PUDP: variants seen among roughly 807,000 people sequenced by gnomAD.
PUDP encodes the protein pseudouridine-5'-phosphatase.
Under a neutral mutation model 9.4 loss-of-function variants are expected in PUDP, and 8 were observed. The observed-to-expected ratio is 0.85, with a 90% CI of 0.50 to 1.53. PUDP has a LOEUF of 1.53. Ranked by LOEUF, PUDP falls within the 40% of genes most tolerant of loss-of-function variation. PUDP has a pLI of 0.00. For missense variants in PUDP, 188 were observed against 189.7 expected (o/e 0.99, Z 0.05); for synonymous variants, 99 against 80.7 (o/e 1.23, Z -1.22).
At chrX:6,721,976 G>A (rs1189729838), upstream of PUDP, among the ~76,000 whole-genome samples, 1 of 111,230 alleles carries the variant, frequency 9.0e-6, no homozygotes, top group African/African-American at 3.3e-5. Flanking sequence ...TAAGGAGACA[G>A]GAAATAGAGG....
At chrX:6,854,547 C>G (rs766465349) in intron 3 of PUDP, among the ~76,000 whole-genome samples, 1 of 111,977 alleles carries the variant, frequency 8.9e-6, no homozygotes. Flanking sequence ...TTTTGGCTCC[C>G]CAAAAACTTA....
chrX:6,856,576 T>C (rs1321326942), intron 3 of PUDP, among the ~76,000 whole-genome samples: 3 of 111,879 alleles, frequency 2.7e-5, no homozygotes, highest in Non-Finnish European at 5.6e-5. Flanking sequence ...TGCATGCTTT[T>C]GCTGAGTTTT....
chrX:6,820,544 T>C (rs1926324511), intron 3 of PUDP, among the ~76,000 whole-genome samples: 1 of 111,633 alleles, frequency 9.0e-6, no homozygotes, highest in Non-Finnish European at 1.9e-5. Context: ...GGTACAGGTA[T>C]TGGGTAAATA....
chrX:7,023,725 C>T (rs1444325654), intron 1 of PUDP, among the ~76,000 whole-genome samples: 3 of 111,332 alleles, frequency 2.7e-5, no homozygotes, highest in Non-Finnish European at 3.8e-5. Flanking sequence ...ATGCCAATAC[C>T]ACACTCTCTT....
chrX:7,078,939 T>G (rs147881641), intron 2 of PUDP, among the ~76,000 whole-genome samples: 1 of 111,318 alleles, frequency 9.0e-6, no homozygotes, highest in Non-Finnish European at 1.9e-5. Flanking sequence ...TCAGGAGAAA[T>G]AGACACAGAA....
chrX:7,035,137 C>T (rs1929837658), intron 1 of PUDP, among the ~76,000 whole-genome samples: 2 of 111,716 alleles, frequency 1.8e-5, no homozygotes, highest in Non-Finnish European at 3.8e-5. Context: ...GAAAACCACC[C>T]ACCTTCTGTA....
At chrX:6,938,773 CT>C (rs1775732363) in intron 3 of PUDP, among the ~76,000 whole-genome samples, 1 of 96,048 alleles carries the variant, frequency 1.0e-5, no homozygotes, top group Non-Finnish European at 2.1e-5. Context: ...TTTTCTTTTT[CT>C]TTTCTTTCTT....
In PUDP at chrX:6,930,955, C is replaced by CA. The variant is rs775801816; in HGVS notation, c.*247+46177dup. On this transcript the variant is annotated intron_variant and NMD_transcript_variant, in intron 3 of 3. Transcript: ENST00000655425. ...TCAAAAAAAGTGTTGCATCCTTATA[C>CA]AAAAAAAAAAAAAAAGTTTGTTGTT... Among the ~76,000 whole-genome samples the CA allele has an allele frequency of 3.4e-3, 295 of 85,780 alleles. 1 individual carries two copies. The highest frequency in any genetic ancestry group is 9.4e-3 in the Admixed American group (73 of 7,768). 74.5% of individuals were successfully genotyped at this position (85,780 alleles called of 115,157 possible).
chrX:6,962,894 T>C (rs1287074683), intron 3 of PUDP, among the ~76,000 whole-genome samples: 1 of 112,867 alleles, frequency 8.9e-6, no homozygotes, highest in East Asian at 2.8e-4. Context: ...ATGCATTATT[T>C]AATTTATTTT....
In PUDP at chrX:6,765,662, T is replaced by A. The variant is rs150244553; in HGVS notation, c.*248-59196A>T. ...ACATTAGTGAGAAATGACTGAGATG[T>A]GATAGCAAAATATTTTATACAGAAA... On this transcript the variant is annotated intron_variant and NMD_transcript_variant, in intron 3 of 3. Coordinates refer to the PUDP transcript ENST00000655425. Among the ~76,000 whole-genome samples the A allele has an allele frequency of 6.2e-3, 692 of 111,642 alleles. 5 individuals are homozygous for A. Among genetic ancestry groups the A allele is most frequent in the Middle Eastern group, 0.032 (7 of 218 alleles).
intron 3 of PUDP, among the ~76,000 whole-genome samples, chrX:6,974,121 G>A (rs1368063514): frequency 2.7e-5 from 3 of 111,737 alleles, no homozygotes; most frequent in African/African-American, 9.8e-5. Context: ...TGGGTATGTT[G>A]AATACAGCAC....
At chrX:7,032,890 G>C (rs1929809791) in intron 1 of PUDP, among the ~76,000 whole-genome samples, 1 of 111,908 alleles carries the variant, frequency 8.9e-6, no homozygotes, top group African/African-American at 3.2e-5. Flanking sequence ...GGTTAATATT[G>C]AGTGTCAACT....
chrX:6,733,405 G>A (rs887393264), intron 3 of PUDP, among the ~76,000 whole-genome samples: 111 of 111,737 alleles, frequency 9.9e-4, no homozygotes, highest in African/African-American at 3.3e-3. Context: ...CAGGGGTGAA[G>A]TAGAGGTGGA....
At chrX:6,870,451 G>A (rs1337151446) in intron 3 of PUDP, among the ~76,000 whole-genome samples, 1 of 111,728 alleles carries the variant, frequency 9.0e-6, no homozygotes, top group Non-Finnish European at 1.9e-5. Flanking sequence ...GAGTTCCCCA[G>A]TACAAGCTCT....
At chrX:7,019,037 G>A (rs1929592706) in intron 1 of PUDP, among the ~76,000 whole-genome samples, 1 of 112,014 alleles carries the variant, frequency 8.9e-6, no homozygotes, top group African/African-American at 3.2e-5. Flanking sequence ...TTGTAGCAGA[G>A]CACATCTCCC....
intron 1 of PUDP, among the ~76,000 whole-genome samples, chrX:6,715,189 A>G (rs907606340): frequency 9.0e-6 from 1 of 111,173 alleles, no homozygotes; most frequent in African/African-American, 3.3e-5. Flanking sequence ...TCCTTGACCC[A>G]TATTATTTTT....
At chrX:6,893,673 CTTAG>C (rs1480222108) in intron 3 of PUDP, among the ~76,000 whole-genome samples, 2 of 111,799 alleles carry the variant, frequency 1.8e-5, no homozygotes, top group African/African-American at 6.5e-5. Flanking sequence ...CCATTATTAA[CTTAG>C]TTAGAAAGGC....
intron 1 of PUDP, among the ~76,000 whole-genome samples, chrX:7,027,267 G>A (rs1011661234): frequency 9.0e-6 from 1 of 110,804 alleles, no homozygotes; most frequent in African/African-American, 3.3e-5. Context: ...ATAAAACCGT[G>A]GCCACGAGCC....
chrX:7,071,903 A>C (rs1404964028), intron 3 of PUDP, among the ~76,000 whole-genome samples: 1 of 110,172 alleles, frequency 9.1e-6, no homozygotes, highest in African/African-American at 3.3e-5. Flanking sequence ...CAGCCTCCTA[A>C]GTAGCTGAGA....
Sources: gnomAD v4.1 joint callset for allele counts (sites outside exome capture counted in the v4.1 genomes callset) on GRCh38, gnomAD v4.1.1 for gene constraint, MANE v1.5 for transcripts, NCBI Gene and HGNC (gene_info 2026-07-23, HGNC 2026-07-21) for gene names.